PGM5: variants seen among roughly 807,000 people sequenced by gnomAD.
PGM5 encodes phosphoglucomutase-like protein 5.
Under a neutral mutation model 59.2 loss-of-function variants are expected in PGM5, and 23 were observed. That is an observed-to-expected ratio of 0.39 (90% CI 0.28 to 0.55). PGM5 has a LOEUF of 0.55. Among genes scored for constraint, PGM5 ranks in the 20% least tolerant of loss-of-function variants. The pLI is 0.66. For missense variants in PGM5, 574 were observed against 748.3 expected, an observed-to-expected ratio of 0.77 and a Z score of 2.72; for synonymous variants, 214 against 286.0, an observed-to-expected ratio of 0.75 and a Z score of 2.54.
At chr9:68,438,286 CAAAAAAAAAAAAAA>C (rs34047393) in intron 6 of PGM5, among the ~76,000 whole-genome samples, 2 of 34,814 alleles carry the variant, frequency 5.7e-5, no homozygotes, top group African/African-American at 8.9e-5. Flanking sequence ...GAGACTCTGT[CAAAAAAAAAAAAAA>C]AAAAAAAAAA....
At chr9:68,455,307 G>A (rs947541576) in intron 6 of PGM5, among the ~76,000 whole-genome samples, 5 of 152,148 alleles carry the variant, frequency 3.3e-5, no homozygotes, top group East Asian at 1.9e-4. Flanking sequence ...GGGCATCTCC[G>A]CCTGGAATCG....
intron 9 of PGM5, among the ~76,000 whole-genome samples, chr9:68,496,346 G>A (rs372549944): frequency 6.6e-6 from 1 of 152,268 alleles, no homozygotes. Context: ...CATAAAAGGG[G>A]GCCTCAGCAG....
At position 68,479,514 on chromosome 9, in the gene PGM5, G is replaced by A. The variant is rs372445744; in HGVS notation, c.1256G>A (p.Arg419Gln). 1.7e-5 allele frequency: 28 copies of A among 1,613,962 alleles called. No homozygotes were observed. The highest frequency in any genetic ancestry group is 2.4e-5 in the Non-Finnish European group (28 of 1,180,008). ...ARKQSVEEIV[R>Q]DHWAKFGRHY... is the part of the protein sequence containing the mutation. ...AAGCAGAGTGTGGAGGAAATTGTCC[G>A]AGATCACTGGGCCAAATTTGGCCGC... Residue 419 changes from arginine (R) to glutamine (Q), a missense_variant, in exon 8 of 11, where the codon CGA (arginine) becomes CAA (glutamine). Coordinates refer to ENST00000396396, the MANE Select transcript of PGM5 (RefSeq NM_021965.4).
chr9:68,398,010 G>T (rs1554680177), intron 6 of PGM5: 1 of 152,214 alleles, frequency 6.6e-6, no homozygotes, highest in Non-Finnish European at 1.5e-5. Context: ...CTGCAAGTAT[G>T]CAAGTATCTA....
intron 4 of PGM5, among the ~76,000 whole-genome samples, chr9:68,391,080 C>T (rs1822351811): frequency 6.6e-6 from 1 of 151,922 alleles, no homozygotes; most frequent in African/African-American, 2.4e-5. Context: ...GTAAAATGTG[C>T]TTGTTTTTAT....
rs7873782 is a variant in PGM5 at position 68,486,121 on chromosome 9, A to T, written c.1479+2073A>T. Reference sequence around the variant, plus strand: ...TTTTCAAACTATAGACATCTGAAAGACATATTTGAATTTAAATAAACTAGT... The same window carrying T: ...TTTTCAAACTATAGACATCTGAAAGTCATATTTGAATTTAAATAAACTAGT... On this transcript the variant is annotated intron_variant, in intron 9 of 10. Transcript: ENST00000396396. Among the ~76,000 whole-genome samples the T allele has an allele frequency of 8.0e-3, 1,214 of 152,336 alleles. 10 individuals are homozygous for T. Among genetic ancestry groups the T allele is most frequent in the African/African-American group, 0.028 (1,168 of 41,560 alleles).
intron 6 of PGM5, among the ~76,000 whole-genome samples, chr9:68,419,636 A>AG (rs1411800537): frequency 6.6e-6 from 1 of 152,234 alleles, no homozygotes; most frequent in African/African-American, 2.4e-5. Flanking sequence ...TTTGCTTAGA[A>AG]GCATTCCCTG....
Position 68,362,865 on chromosome 9 carries a change from C to CTT in PGM5, c.261+5497_261+5498dup, listed in dbSNP as rs1163826772. Among the ~76,000 whole-genome samples, 96 of 96,766 alleles carry CTT rather than the reference C, an allele frequency of 9.9e-4. 1 individual carries two copies. Among genetic ancestry groups the CTT allele is most frequent in the Non-Finnish European group, 1.2e-3 (61 of 49,702 alleles). The allele number at this position is 96,766 out of a possible 152,430, so 63.5% of individuals were successfully genotyped here. A position where few individuals can be genotyped will look rare whatever the true frequency, so the allele number is the denominator to read the frequency against. On this transcript the variant is annotated intron_variant, in intron 1 of 10. Coordinates refer to ENST00000396396, the MANE Select transcript of PGM5 (RefSeq NM_021965.4). ...AAGATGTTTCTGACTTTTTCTTTTT[C>CTT]TTTTTTTTTTTTTTTTTTTTTGAGA...
chr9:68,525,374 C>G (rs1289568866), intron 10 of PGM5, among the ~76,000 whole-genome samples: 1 of 152,180 alleles, frequency 6.6e-6, no homozygotes, highest in Non-Finnish European at 1.5e-5. Context: ...TGTGGCCACT[C>G]ATTCTAGCAC....
chr9:68,383,182 T>C (rs1336835827), intron 2 of PGM5, among the ~76,000 whole-genome samples: 1 of 151,874 alleles, frequency 6.6e-6, no homozygotes, highest in Non-Finnish European at 1.5e-5. Context: ...GCTATTCTTT[T>C]TTATGAGCAT....
chr9:68,527,640 T>C (rs1271813925), intron 10 of PGM5, among the ~76,000 whole-genome samples: 1 of 152,158 alleles, frequency 6.6e-6, no homozygotes, highest in African/African-American at 2.4e-5. Context: ...AAGAATCCCT[T>C]CTGTTTTTAC....
At chr9:68,526,101 T>C (rs1225419934) in intron 10 of PGM5, among the ~76,000 whole-genome samples, 3 of 151,576 alleles carry the variant, frequency 2.0e-5, no homozygotes, top group African/African-American at 4.8e-5. Context: ...TAACTTGAAG[T>C]TTCCTTTCCA....
intron 6 of PGM5, among the ~76,000 whole-genome samples, chr9:68,431,867 C>T (rs1823355243): frequency 6.8e-6 from 1 of 146,802 alleles, no homozygotes; most frequent in Non-Finnish European, 1.5e-5. Flanking sequence ...GAAAGAACAT[C>T]ATTTCTCACA....
chr9:68,367,444 A>G (rs1184601998), intron 1 of PGM5, among the ~76,000 whole-genome samples: 1 of 152,196 alleles, frequency 6.6e-6, no homozygotes, highest in African/African-American at 2.4e-5. Context: ...AAGAGACTCC[A>G]CGCTAATCTG....
chr9:68,372,303 A>T (rs1437223659), intron 1 of PGM5, among the ~76,000 whole-genome samples: 5 of 150,846 alleles, frequency 3.3e-5, no homozygotes, highest in Admixed American at 6.6e-5. Context: ...TTCTGGCAGC[A>T]GAATACATTC....
chr9:68,434,993 A>G (rs2132058927), intron 6 of PGM5, among the ~76,000 whole-genome samples: 1 of 152,302 alleles, frequency 6.6e-6, no homozygotes, highest in South Asian at 2.1e-4. Context: ...AGTGATGGCC[A>G]TTCTCCTGAT....
intron 3 of PGM5, among the ~76,000 whole-genome samples, chr9:68,385,896 T>C (rs1376940277): frequency 3.9e-5 from 6 of 152,008 alleles, no homozygotes; most frequent in Non-Finnish European, 7.4e-5. Flanking sequence ...AATTTGGAGA[T>C]AATCGTTTGG....
chr9:68,442,989 T>C (rs1823552665), intron 6 of PGM5, among the ~76,000 whole-genome samples: 1 of 152,238 alleles, frequency 6.6e-6, no homozygotes, highest in Non-Finnish European at 1.5e-5. Context: ...AAGCAGTTTG[T>C]CAATTGCTTA....
chr9:68,419,682 T>C (rs1823095596), intron 6 of PGM5, among the ~76,000 whole-genome samples: 1 of 152,214 alleles, frequency 6.6e-6, no homozygotes, highest in South Asian at 2.1e-4. Context: ...ACTTAGCATT[T>C]AAATGCCCCC....
Sources: allele counts gnomAD v4.1 joint callset (sites outside exome capture counted in the v4.1 genomes callset), GRCh38; gene constraint gnomAD v4.1.1; transcripts MANE v1.5; gene names NCBI Gene and HGNC (gene_info 2026-07-23, HGNC 2026-07-21).